Variants in SUPT3H observed in about 807,000 individuals in gnomAD.
The protein encoded by SUPT3H is transcription initiation protein SPT3 homolog.
SUPT3H carries 44 observed loss-of-function variants against 44.3 expected under a neutral mutation model. That is an observed-to-expected ratio of 0.99 (90% confidence interval 0.78 to 1.28). The LOEUF (loss-of-function observed/expected upper bound fraction) is 1.28. Ranked by LOEUF, SUPT3H falls within the 50% of genes most tolerant of loss-of-function variation. The pLI, the probability that SUPT3H is intolerant of heterozygous loss-of-function variation, is 0.00. For synonymous variants in SUPT3H, 124 were observed against 125.6 expected (o/e 0.99, Z 0.09); for missense variants, 380 against 387.1 (o/e 0.98, Z 0.15).
At chr6:45,063,163 G>A (rs1239348366) in intron 3 of SUPT3H, among the ~76,000 whole-genome samples, 4 of 144,408 alleles carry the variant, frequency 2.8e-5, no homozygotes, top group African/African-American at 7.9e-5. Context: ...CCTGACCCCC[G>A]AGCAGCCTAA....
chr6:45,017,138 G>C (rs1247917100), intron 4 of SUPT3H, among the ~76,000 whole-genome samples: 1 of 151,904 alleles, frequency 6.6e-6, no homozygotes. Flanking sequence ...CTGCATAAAT[G>C]TCTTCTTTTG....
At chr6:45,159,590 A>C (rs1311397027) in intron 2 of SUPT3H, 1 of 152,182 alleles carries the variant, frequency 6.6e-6, no homozygotes, top group African/African-American at 2.4e-5. Context: ...TCATCTACAT[A>C]GTTTCTGAAC....
chr6:45,250,903 T>A (rs1429906565), intron 2 of SUPT3H: 3 of 152,068 alleles, frequency 2.0e-5, no homozygotes, highest in Non-Finnish European at 4.4e-5. Flanking sequence ...CATAGTTCAC[T>A]GCAGCTTTGA....
intron 6 of SUPT3H, among the ~76,000 whole-genome samples, chr6:44,962,798 T>C (rs1454049858): frequency 6.6e-6 from 1 of 152,128 alleles, no homozygotes; most frequent in Non-Finnish European, 1.5e-5. Context: ...ATAGAGAATA[T>C]AGATGGGGCA....
intron 2 of SUPT3H, among the ~76,000 whole-genome samples, chr6:45,230,735 C>T (rs1430033804): frequency 1.4e-5 from 2 of 143,990 alleles, no homozygotes; most frequent in African/African-American, 5.1e-5. Flanking sequence ...CGCAGTGGCA[C>T]GATCTCGGCT....
intron 2 of SUPT3H, among the ~76,000 whole-genome samples, chr6:45,324,369 A>C (rs186998138): frequency 2.0e-5 from 3 of 152,194 alleles, no homozygotes; most frequent in African/African-American, 7.2e-5. Flanking sequence ...ATCAGATGCC[A>C]ATACTATCTA....
At chr6:45,336,609 T>C (rs557238489) in intron 2 of SUPT3H, among the ~76,000 whole-genome samples, 6 of 151,560 alleles carry the variant, frequency 4.0e-5, no homozygotes, top group African/African-American at 1.2e-4. Flanking sequence ...AACCACTCTA[T>C]ATATGTACAA....
chr6:45,181,160 A>T (rs1435658302), intron 2 of SUPT3H, among the ~76,000 whole-genome samples: 3 of 134,704 alleles, frequency 2.2e-5, no homozygotes, highest in South Asian at 2.6e-4. Flanking sequence ...TCAAAACCAC[A>T]ATGAGATACC....
At chr6:44,932,220 T>C (rs2153461478) in intron 10 of SUPT3H, among the ~76,000 whole-genome samples, 1 of 152,328 alleles carries the variant, frequency 6.6e-6, no homozygotes, top group East Asian at 1.9e-4. Context: ...TTCAGCTTAG[T>C]TCAAAGCCAG....
At chr6:45,098,952 G>A (rs1385744829) in intron 3 of SUPT3H, 4 of 469,630 alleles carry the variant, frequency 8.5e-6, no homozygotes, top group Non-Finnish European at 1.7e-5. Flanking sequence ...AAAAAGAGAA[G>A]AACAGATCAC....
chr6:45,240,320 C>T (rs765552102), intron 2 of SUPT3H, among the ~76,000 whole-genome samples: 13 of 152,264 alleles, frequency 8.5e-5, no homozygotes, highest in South Asian at 6.2e-4. Flanking sequence ...GCTATGATAG[C>T]GGTGGTCACT....
intron 2 of SUPT3H, among the ~76,000 whole-genome samples, chr6:45,205,933 TTC>T: frequency 6.6e-6 from 1 of 152,304 alleles, no homozygotes; most frequent in Middle Eastern, 3.4e-3. Flanking sequence ...TACAATTATT[TTC>T]ACAGAAGGCC....
intron 3 of SUPT3H, among the ~76,000 whole-genome samples, chr6:45,050,242 CCA>C (rs1176310533): frequency 6.6e-6 from 1 of 150,920 alleles, no homozygotes; most frequent in East Asian, 1.9e-4. Flanking sequence ...GCCAGTCAGT[CCA>C]CACACATGGT....
At chr6:45,272,820 T>TCCAGAAAGTC (rs1776419647) in intron 2 of SUPT3H, among the ~76,000 whole-genome samples, 1 of 152,016 alleles carries the variant, frequency 6.6e-6, no homozygotes. Flanking sequence ...TCTTTGGCCC[T>TCCAGAAAGTC]CCAGAAAGTC....
At chr6:45,199,935 C>T (rs1285019) in intron 2 of SUPT3H, among the ~76,000 whole-genome samples, 92,655 of 150,940 alleles carry the variant, frequency 0.61, 28,937 homozygotes, top group African/African-American at 0.74. Flanking sequence ...TTTTTCTGTT[C>T]CAAGGAAAGT....
chr6:44,899,871 C>T (rs1764695585), intron 10 of SUPT3H, among the ~76,000 whole-genome samples: 1 of 152,128 alleles, frequency 6.6e-6, no homozygotes, highest in Admixed American at 6.6e-5. Flanking sequence ...AGACTTTCTG[C>T]TGGAAACTAA....
intron 2 of SUPT3H, among the ~76,000 whole-genome samples, chr6:45,140,881 G>T (rs1020405414): frequency 1.3e-5 from 2 of 152,202 alleles, no homozygotes; most frequent in Non-Finnish European, 2.9e-5. Context: ...GGGTCACCAA[G>T]TGGGACAAAA....
At chr6:45,207,963 A>G (rs1167619172) in intron 2 of SUPT3H, among the ~76,000 whole-genome samples, 2 of 152,220 alleles carry the variant, frequency 1.3e-5, no homozygotes, top group African/African-American at 2.4e-5. Context: ...AAAAAGCTAG[A>G]AAGAATTAAG....
At chr6:45,052,379 T>C (rs1004613074) in intron 3 of SUPT3H, among the ~76,000 whole-genome samples, 1 of 152,190 alleles carries the variant, frequency 6.6e-6, no homozygotes, top group Admixed American at 6.5e-5. Context: ...TGACAAGAGC[T>C]AAGGACTGTT....
Sources: gnomAD v4.1 joint callset for allele counts (sites outside exome capture counted in the v4.1 genomes callset) on GRCh38, gnomAD v4.1.1 for gene constraint, MANE v1.5 for transcripts, NCBI Gene and HGNC (gene_info 2026-07-23, HGNC 2026-07-21) for gene names.